The following SORCS1 variants were observed in gnomAD, a reference collection of about 807,000 sequenced individuals.
SORCS1 encodes the protein sortilin related VPS10 domain containing receptor 1, also known as VPS10 domain-containing receptor SorCS1.
Under a neutral mutation model 146.1 loss-of-function variants are expected in SORCS1, and 60 were observed. The ratio of observed to expected loss-of-function variants is 0.41; its 90% CI spans 0.33 to 0.51. The LOEUF (loss-of-function observed/expected upper bound fraction) is 0.51. Among genes scored for constraint, SORCS1 ranks in the 20% least tolerant of loss-of-function variants. The pLI, the probability that SORCS1 is intolerant of heterozygous loss-of-function variation, is 0.21. For missense variants in SORCS1, 1,352 were observed against 1,487.6 expected (o/e 0.91, Z 1.50); for synonymous variants, 637 against 584.0 (o/e 1.09, Z -1.31).
At chr10:106,721,703 A>C (rs1041346131) in intron 6 of SORCS1, among the ~76,000 whole-genome samples, 8 of 152,242 alleles carry the variant, frequency 5.3e-5, no homozygotes, top group Non-Finnish European at 7.3e-5. Context: ...AAAATTTGAA[A>C]TGTATATAAT....
intron 2 of SORCS1, among the ~76,000 whole-genome samples, chr10:106,882,075 C>T (rs997583506): frequency 6.6e-6 from 1 of 152,138 alleles, no homozygotes; most frequent in East Asian, 1.9e-4. Context: ...ATTTGTCATT[C>T]CCAGCTTCAC....
intron 2 of SORCS1, among the ~76,000 whole-genome samples, chr10:106,913,566 G>A (rs1952267481): frequency 6.6e-6 from 1 of 152,208 alleles, no homozygotes; most frequent in African/African-American, 2.4e-5. Flanking sequence ...AAGGAGACAA[G>A]GGTTTCGTAG....
chr10:106,618,783 C>T lies in SORCS1; in HGVS notation c.2797-511G>A, dbSNP rs1280989976. 2.6e-5 allele frequency among the ~76,000 whole-genome samples: 4 copies of T among 152,244 alleles called. No individual in the cohort carries two copies. In the East Asian group the frequency reaches 5.8e-4, roughly 22 times the overall value. ...CCATACACTAGTTAAACAGCAGTGG[C>T]CTTGTGTGCTGGCCCGCTTTGAGAA... is the stretch of plus-strand genomic sequence containing the variant. On this transcript the variant is annotated intron_variant, in intron 20 of 25. Transcript: ENST00000263054.
At chr10:107,178,506 T>A in the SORCS1 span, among the ~76,000 whole-genome samples, 50,678 of 149,952 alleles carry the variant, frequency 0.34, 10,883 homozygotes, top group Middle Eastern at 0.51. Context: ...ATATATATTT[T>A]TTTTTAAGAC....
intron 4 of SORCS1, among the ~76,000 whole-genome samples, chr10:106,762,431 C>A (rs537941947): frequency 2.8e-5 from 3 of 108,406 alleles, no homozygotes; most frequent in Non-Finnish European, 5.0e-5. Context: ...CTTGCTCTGT[C>A]GCCCAGGCTG....
At chr10:107,039,157 G>A (rs534233810) in intron 1 of SORCS1, among the ~76,000 whole-genome samples, 4 of 151,702 alleles carry the variant, frequency 2.6e-5, no homozygotes, top group African/African-American at 4.8e-5. Context: ...GTGAAACCCC[G>A]TCTCTAATAA....
chr10:107,177,581 G>C, the SORCS1 span, among the ~76,000 whole-genome samples: 1 of 152,084 alleles, frequency 6.6e-6, no homozygotes, highest in Non-Finnish European at 1.5e-5. Flanking sequence ...TTTCAAAATT[G>C]CTAAAATAAT....
chr10:106,760,788 C>A, intron 5 of SORCS1, among the ~76,000 whole-genome samples: 1 of 151,834 alleles, frequency 6.6e-6, no homozygotes, highest in Non-Finnish European at 1.5e-5. Flanking sequence ...GAGAAACTAG[C>A]AATAGCAACT....
At chr10:106,756,939 ACC>A (rs113454552) in intron 5 of SORCS1, among the ~76,000 whole-genome samples, 3 of 152,120 alleles carry the variant, frequency 2.0e-5, no homozygotes, top group African/African-American at 7.2e-5. Context: ...TGCTATATAA[ACC>A]CATACTTTTA....
chr10:107,153,707 C>A (rs915259764), intron 1 of SORCS1, among the ~76,000 whole-genome samples: 1 of 152,164 alleles, frequency 6.6e-6, no homozygotes, highest in Non-Finnish European at 1.5e-5. Context: ...ACAGTTGTTG[C>A]CTGGAATTCA....
At chr10:106,792,142 C>G (rs2136527420) in intron 3 of SORCS1, among the ~76,000 whole-genome samples, 1 of 152,350 alleles carries the variant, frequency 6.6e-6, no homozygotes, top group South Asian at 2.1e-4. Context: ...CAGTAGCATT[C>G]TGCACATATT....
At chr10:106,988,544 C>T (rs556250059) in intron 1 of SORCS1, among the ~76,000 whole-genome samples, 1 of 147,046 alleles carries the variant, frequency 6.8e-6, no homozygotes, top group Non-Finnish European at 1.5e-5. Context: ...AATATTCTTA[C>T]TTTTTTTTTT....
At chr10:106,723,548 G>A (rs1855931746) in intron 6 of SORCS1, among the ~76,000 whole-genome samples, 2 of 152,138 alleles carry the variant, frequency 1.3e-5, no homozygotes, top group African/African-American at 4.8e-5. Flanking sequence ...AATACCTCCC[G>A]TGATTGATTG....
At chr10:106,961,149 A>G (rs1295697552) in intron 1 of SORCS1, among the ~76,000 whole-genome samples, 1 of 152,190 alleles carries the variant, frequency 6.6e-6, no homozygotes, top group Non-Finnish European at 1.5e-5. Flanking sequence ...AAATTACCAA[A>G]AGTCAGTGAA....
chr10:106,708,521 C>A (rs1030515199), intron 7 of SORCS1, among the ~76,000 whole-genome samples: 3 of 151,992 alleles, frequency 2.0e-5, no homozygotes, highest in African/African-American at 7.3e-5. Context: ...ATGCATTGTC[C>A]AAACAAGCTT....
chr10:106,760,240 C>T (rs111558427), intron 5 of SORCS1, among the ~76,000 whole-genome samples: 72 of 151,758 alleles, frequency 4.7e-4, no homozygotes, highest in African/African-American at 1.7e-3. Flanking sequence ...GTCATTAGAT[C>T]GAGACCATCC....
chr10:106,889,584 G>A (rs1359800394), intron 2 of SORCS1, among the ~76,000 whole-genome samples: 1 of 151,178 alleles, frequency 6.6e-6, no homozygotes. Flanking sequence ...TGACACAGGT[G>A]AAACCCCGTC....
chr10:106,949,898 T>C (rs1954582616), intron 2 of SORCS1, among the ~76,000 whole-genome samples: 1 of 152,178 alleles, frequency 6.6e-6, no homozygotes, highest in Non-Finnish European at 1.5e-5. Context: ...TAGGGCTTTC[T>C]CACCAGCTAA....
chr10:106,961,999 C>T (rs544663666), intron 1 of SORCS1, among the ~76,000 whole-genome samples: 1 of 152,250 alleles, frequency 6.6e-6, no homozygotes, highest in Admixed American at 6.5e-5. Flanking sequence ...AGCTAAGCCC[C>T]AATTGTGGGG....
Sources: allele counts gnomAD v4.1 joint callset (sites outside exome capture counted in the v4.1 genomes callset), GRCh38; gene constraint gnomAD v4.1.1; transcripts MANE v1.5; gene names NCBI Gene and HGNC (gene_info 2026-07-23, HGNC 2026-07-21).